The following ATG7 variants were observed in gnomAD, a reference collection of about 807,000 sequenced individuals.
ATG7 encodes ubiquitin-like modifier-activating enzyme ATG7.
Under a neutral mutation model 82.4 loss-of-function variants are expected in ATG7, and 70 were observed. The observed-to-expected ratio is 0.85, with a 90% CI of 0.70 to 1.04. The LOEUF (loss-of-function observed/expected upper bound fraction) is 1.04. Ranked by LOEUF, ATG7 falls within the 50% of genes least tolerant of loss-of-function variation. The probability of loss-of-function intolerance (pLI) is 0.00; values close to 1 mark genes in which losing one functional copy is unlikely to be tolerated. For missense variants in ATG7, 792 were observed against 864.3 expected, an observed-to-expected ratio of 0.92 and a Z score of 1.05; for synonymous variants, 287 against 313.0, an observed-to-expected ratio of 0.92 and a Z score of 0.88.
chr3:11,348,943 G>A (rs1369175877), intron 14 of ATG7, among the ~76,000 whole-genome samples: 1 of 152,152 alleles, frequency 6.6e-6, no homozygotes, highest in African/African-American at 2.4e-5. Flanking sequence ...GCTGATTGGT[G>A]CGTTTACAAT....
chr3:11,552,067 A>G (rs1476875198), intron 20 of ATG7, among the ~76,000 whole-genome samples: 1 of 152,190 alleles, frequency 6.6e-6, no homozygotes, highest in Non-Finnish European at 1.5e-5. Flanking sequence ...TCTGTTTTGA[A>G]CTAAACATTG....
At chr3:11,421,839 A>G (rs2081964067) in intron 19 of ATG7, among the ~76,000 whole-genome samples, 1 of 152,204 alleles carries the variant, frequency 6.6e-6, no homozygotes, top group Non-Finnish European at 1.5e-5. Context: ...GCAGAAATGG[A>G]TATTGTCTTA....
intron 19 of ATG7, 79 bp downstream of exon 19, chr3:11,380,131 C>A: frequency 7.2e-7 from 1 of 1,379,712 alleles, no homozygotes; most frequent in East Asian, 2.3e-5. Context: ...CCAGCTGGAG[C>A]CCTTGAAACC....
intron 20 of ATG7, among the ~76,000 whole-genome samples, chr3:11,492,545 G>C (rs909138328): frequency 6.6e-5 from 10 of 152,224 alleles, no homozygotes; most frequent in Non-Finnish European, 1.2e-4. Context: ...GGGGTTCCCT[G>C]TTTACTCAGT....
chr3:11,312,818 ATAGTACAT>A (rs1948868581), intron 7 of ATG7, among the ~76,000 whole-genome samples: 1 of 152,218 alleles, frequency 6.6e-6, no homozygotes, highest in South Asian at 2.1e-4. Context: ...GCTTCTGTAG[ATAGTACAT>A]TAAGTATCTA....
intron 3 of ATG7, chr3:11,290,558 G>A: frequency 2.8e-6 from 1 of 363,152 alleles, no homozygotes; most frequent in South Asian, 2.0e-5. Context: ...AGCTGTCACT[G>A]CCTGGTACTT....
intron 20 of ATG7, among the ~76,000 whole-genome samples, chr3:11,469,346 G>T (rs977731421): frequency 2.6e-5 from 4 of 152,144 alleles, no homozygotes; most frequent in Non-Finnish European, 5.9e-5. Context: ...CTACTTGGGG[G>T]GCTGAGGCAG....
At chr3:11,275,638 G>A (rs183720773) in intron 1 of ATG7, among the ~76,000 whole-genome samples, 4 of 151,460 alleles carry the variant, frequency 2.6e-5, no homozygotes, top group East Asian at 1.9e-4. Context: ...GATTACAGGC[G>A]TGAGCCACCG....
intron 19 of ATG7, among the ~76,000 whole-genome samples, chr3:11,418,672 T>C (rs1331268500): frequency 6.6e-6 from 1 of 152,176 alleles, no homozygotes; most frequent in African/African-American, 2.4e-5. Flanking sequence ...GTTGTGATTC[T>C]CTGTATCCAC....
At chr3:11,424,975 CT>C (rs11457529) in intron 19 of ATG7, among the ~76,000 whole-genome samples, 2 of 151,356 alleles carry the variant, frequency 1.3e-5, no homozygotes, top group Non-Finnish European at 2.9e-5. Flanking sequence ...CAAAATATCC[CT>C]TTTTTTTGTT....
chr3:11,337,431 C>G (rs191216501), intron 11 of ATG7, among the ~76,000 whole-genome samples: 1 of 151,712 alleles, frequency 6.6e-6, no homozygotes, highest in East Asian at 1.9e-4. Context: ...TCCAGCCTGG[C>G]GAGACAGCAA....
chr3:11,282,995 T>C (rs764515017), intron 3 of ATG7, among the ~76,000 whole-genome samples: 15 of 152,212 alleles, frequency 9.9e-5, no homozygotes, highest in Admixed American at 1.3e-4. Flanking sequence ...AAAATGAGAA[T>C]AGAAGCCTGC....
intron 20 of ATG7, among the ~76,000 whole-genome samples, chr3:11,457,091 CG>C (rs769676843): frequency 8.5e-5 from 13 of 152,154 alleles, no homozygotes; most frequent in Admixed American, 4.6e-4. Flanking sequence ...CAGTAGAAGC[CG>C]TTAAAAGGAA....
chr3:11,281,856 G>T (rs995658546), intron 2 of ATG7, among the ~76,000 whole-genome samples: 1 of 151,788 alleles, frequency 6.6e-6, no homozygotes, highest in Non-Finnish European at 1.5e-5. Flanking sequence ...GCTTGGCCCA[G>T]TTTTAAAGTA....
At chr3:11,450,066 G>T (rs902727346) in intron 20 of ATG7, among the ~76,000 whole-genome samples, 4 of 152,178 alleles carry the variant, frequency 2.6e-5, no homozygotes, top group Admixed American at 1.3e-4. Flanking sequence ...GGATAATAAT[G>T]ATGTAATGGC....
intron 18 of ATG7, among the ~76,000 whole-genome samples, chr3:11,379,579 G>T (rs1202043148): frequency 6.6e-6 from 1 of 152,140 alleles, no homozygotes; most frequent in Non-Finnish European, 1.5e-5. Flanking sequence ...ATAGAAATGT[G>T]TATTTACCCC....
the ATG7 span, among the ~76,000 whole-genome samples, chr3:11,563,609 TTGAAA>T: frequency 6.6e-6 from 1 of 152,128 alleles, no homozygotes; most frequent in Non-Finnish European, 1.5e-5. Flanking sequence ...TCGTAAAACG[TTGAAA>T]TGAACAGCAG....
intron 19 of ATG7, among the ~76,000 whole-genome samples, chr3:11,394,158 A>G (rs756453875): frequency 2.6e-5 from 4 of 152,228 alleles, no homozygotes; most frequent in Non-Finnish European, 5.9e-5. Flanking sequence ...CCTCTGTACT[A>G]TAAGGGCAAG....
intron 19 of ATG7, among the ~76,000 whole-genome samples, chr3:11,395,698 T>A (rs1054143323): frequency 2.0e-5 from 3 of 152,152 alleles, no homozygotes; most frequent in African/African-American, 7.2e-5. Flanking sequence ...CCCAGCACTT[T>A]GGGAGGCCGA....
Sources: allele counts gnomAD v4.1 joint callset (sites outside exome capture counted in the v4.1 genomes callset), GRCh38; gene constraint gnomAD v4.1.1; transcripts MANE v1.5; gene names NCBI Gene and HGNC (gene_info 2026-07-23, HGNC 2026-07-21).